VPS53: variants seen among roughly 807,000 people sequenced by gnomAD.
VPS53 encodes vacuolar protein sorting-associated protein 53 homolog.
In VPS53, 70 loss-of-function variants were observed where a neutral mutation model predicts 107.0. The observed-to-expected ratio is 0.65, with a 90% CI of 0.54 to 0.80. VPS53 has a LOEUF of 0.80. Ranked by LOEUF, VPS53 falls within the 30% of genes least tolerant of loss-of-function variation. The probability of loss-of-function intolerance (pLI) is 0.00; values close to 1 mark genes in which losing one functional copy is unlikely to be tolerated. For missense variants in VPS53, 917 were observed against 1,049.4 expected, an observed-to-expected ratio of 0.87 and a Z score of 1.74; for synonymous variants, 409 against 393.3, an observed-to-expected ratio of 1.04 and a Z score of -0.47.
At chr17:523,107 T>C (rs1908872555) in intron 19 of VPS53, 1 of 152,536 alleles carries the variant, frequency 6.6e-6, no homozygotes, top group Non-Finnish European at 1.5e-5. Flanking sequence ...CCATTTCCGG[T>C]TGCCCAGGTA....
intron 3 of VPS53, among the ~76,000 whole-genome samples, chr17:697,724 TAGTC>T (rs1368288373): frequency 6.6e-6 from 1 of 152,208 alleles, no homozygotes; most frequent in African/African-American, 2.4e-5. Context: ...TTTCACTTAA[TAGTC>T]AGAGCTATCT....
chr17:657,110 G>A, intron 5 of VPS53: 1 of 1,099,838 alleles, frequency 9.1e-7, no homozygotes, highest in Non-Finnish European at 1.4e-6. Flanking sequence ...AATCTGAATG[G>A]TGTCATTCAC....
intron 11 of VPS53, among the ~76,000 whole-genome samples, chr17:617,498 C>G (rs1331091064): frequency 1.3e-5 from 2 of 152,242 alleles, no homozygotes; most frequent in African/African-American, 4.8e-5. Context: ...GCCTTCTGGG[C>G]TAAAGTGATC....
At chr17:525,221 C>T (rs1909038842) in intron 19 of VPS53, among the ~76,000 whole-genome samples, 3 of 151,742 alleles carry the variant, frequency 2.0e-5, no homozygotes, top group Admixed American at 2.0e-4. Context: ...TTAAAATATG[C>T]AAAACAAAAT....
Position 656,684 on chromosome 17 carries a change from C to T in VPS53, c.373-731G>A, listed in dbSNP as rs1298634497. On this transcript the variant is annotated intron_variant, in intron 5 of 21. Transcript: ENST00000437048. ...GAAATCATCCACTGTGTTTCTTGGT[C>T]CATGCTGACTAAGAAATGTGTGTGT... The T allele has an allele frequency of 1.2e-5, 7 of 587,474 alleles. No homozygotes were observed. The South Asian group carries it at 1.5e-4, about 12-fold the overall frequency. 36.4% of individuals were successfully genotyped at this position (587,474 alleles called of 1,614,324 possible).
chr17:586,475 G>GTAC, intron 12 of VPS53, 111 bp from the exon 13 acceptor site: 2 of 1,019,808 alleles, frequency 2.0e-6, no homozygotes. Context: ...AGATAAGAGA[G>GTAC]TACTCAATGT....
In VPS53 at chr17:686,732, C is replaced by T. The variant is rs73976860; in HGVS notation, c.285+10686G>A. Among the ~76,000 whole-genome samples, 1,031 of 152,336 alleles carry T rather than the reference C, an allele frequency of 6.8e-3. 15 individuals carry two copies. Among genetic ancestry groups the T allele is most frequent in the African/African-American group, 0.024 (985 of 41,570 alleles). ...AAAGCCACAGGAACTCGACAAATAC[C>T]TGGATGCACGGAACTAGGAAAACTG... On this transcript the variant is annotated intron_variant, in intron 4 of 21. Transcript: ENST00000437048.
rs558936715 is a variant in VPS53 at position 553,362 on chromosome 17, T to A, written c.1787+18A>T. On this transcript the variant is annotated intron_variant, in intron 16 of 21. Coordinates refer to ENST00000437048, the MANE Select transcript of VPS53 (RefSeq NM_001128159.3). The stretch of plus-strand genomic sequence containing the variant: ...GGAGAAAGGGCAGGCAGCCAGTAAG[T>A]GTGTGCAGGGTACATACGTGCTGAA... 2 of 1,610,468 alleles carry A rather than the reference T, an allele frequency of 1.2e-6. No individual in the cohort carries two copies. The highest frequency in any genetic ancestry group is 1.7e-5 in the Admixed American group (1 of 59,816).
chr17:697,379 C>G (rs763838200), intron 4 of VPS53, 39 bp downstream of exon 4: 1 of 1,569,126 alleles, frequency 6.4e-7, no homozygotes, highest in East Asian at 2.2e-5. Context: ...CGGGAGAAAC[C>G]AGGGGAGCAT....
intron 17 of VPS53, chr17:540,306 C>T (rs1910527944): frequency 1.3e-5 from 2 of 152,056 alleles, no homozygotes; most frequent in Admixed American, 1.3e-4. Context: ...AGCTCTGCCT[C>T]CCAAGTAGCT....
At chr17:681,820 C>A (rs918676607) in intron 4 of VPS53, among the ~76,000 whole-genome samples, 6 of 152,162 alleles carry the variant, frequency 3.9e-5, no homozygotes, top group Admixed American at 3.3e-4. Flanking sequence ...TGTGTCCTCA[C>A]ATGGGGAAAG....
chr17:588,334 C>G (rs745780785), intron 12 of VPS53, among the ~76,000 whole-genome samples: 1 of 151,606 alleles, frequency 6.6e-6, no homozygotes, highest in Non-Finnish European at 1.5e-5. Context: ...AACAAACAAA[C>G]AAACAAAAAA....
At chr17:546,207 A>G (rs4968139) in intron 17 of VPS53, among the ~76,000 whole-genome samples, 63,247 of 152,006 alleles carry the variant, frequency 0.42, 13,395 homozygotes, top group South Asian at 0.54. Context: ...AATTAACTCG[A>G]AATGGATTGA....
At chr17:691,831 T>C (rs981262056) in intron 4 of VPS53, among the ~76,000 whole-genome samples, 1 of 152,178 alleles carries the variant, frequency 6.6e-6, no homozygotes, top group African/African-American at 2.4e-5. Context: ...CTATTTTATT[T>C]TTAGTTATTG....
chr17:656,767 G>T, intron 5 of VPS53: 1 of 992,078 alleles, frequency 1.0e-6, no homozygotes. Context: ...TACGTACAAA[G>T]ATCTAACATG....
Position 519,894 on chromosome 17 carries a change from C to T in VPS53, c.2260G>A (p.Val754Ile), listed in dbSNP as rs1193040051. 6.4e-7 allele frequency: 1 copy of T among 1,551,680 alleles called. No individual in the cohort carries two copies. Among genetic ancestry groups the T allele is most frequent in the Admixed American group, 2.0e-5 (1 of 51,008 alleles). Residue 754 changes from valine (V) to isoleucine (I), a missense_variant, in exon 21 of 22, where the codon GTT (valine) becomes ATT (isoleucine). Coordinates refer to ENST00000437048, the MANE Select transcript of VPS53 (RefSeq NM_001128159.3). This position sits in a 1 kb window ranked among gnomAD's most constrained non-coding sequence, Gnocchi z 5.0. The part of the protein sequence containing the change: ...MAPHEPLVVF[V>I]DNYIKLLTDC... ...GTGAGAAGTTTGATGTAGTTGTCAA[C>T]AAACACCACCAACGGTTCATGAGGG... is the stretch of plus-strand genomic sequence containing the variant.
Position 517,227 on chromosome 17 carries a change from T to C in VPS53, c.*1901A>G, listed in dbSNP as rs3744731. The stretch of plus-strand genomic sequence containing the variant: ...TAATAGACCTCAACTGAAGGCCGCA[T>C]CTCCTTCTCGCAACACTTCTTTTCT... On this transcript the variant is annotated 3_prime_UTR_variant, in exon 22 of 22. Coordinates refer to ENST00000437048, the MANE Select transcript of VPS53 (RefSeq NM_001128159.3). 220,409 of 382,872 alleles carry C rather than the reference T, an allele frequency of 0.58. 68,108 individuals are homozygous for C. The highest frequency in any genetic ancestry group is 0.88 in the African/African-American group (42,791 of 48,412). The allele number at this position is 382,872 out of a possible 1,614,324, so 23.7% of individuals were successfully genotyped here.
chr17:521,583 T>G lies in VPS53; in HGVS notation c.2223+18A>C. The G allele has an allele frequency of 1.3e-6, 2 of 1,517,934 alleles. No individual in the cohort carries two copies. The highest frequency in any genetic ancestry group is 1.8e-6 in the Non-Finnish European group (2 of 1,126,252). 94.0% of individuals were successfully genotyped at this position (1,517,934 alleles called of 1,614,324 possible). A position where few individuals can be genotyped will look rare whatever the true frequency, so the allele number is the denominator to read the frequency against. On this transcript the variant is annotated intron_variant, in intron 20 of 21. Transcript: ENST00000437048. ...GAGATTAAATAAATAACTGGCCCCT[T>G]TTAACACAAGCCATCACCTTGAGGA...
intron 4 of VPS53, among the ~76,000 whole-genome samples, chr17:681,639 C>T (rs550838912): frequency 2.0e-5 from 3 of 152,060 alleles, no homozygotes; most frequent in South Asian, 2.1e-4. Context: ...TACTTTAATA[C>T]CCAACTCTTT....
Sources: gnomAD v4.1 joint callset for allele counts (sites outside exome capture counted in the v4.1 genomes callset) on GRCh38, gnomAD v4.1.1 for gene constraint, Gnocchi (gnomAD v3.1) non-coding constraint, MANE v1.5 for transcripts, NCBI Gene and HGNC (gene_info 2026-07-23, HGNC 2026-07-21) for gene names.